PLS1: variants seen among roughly 807,000 people sequenced by gnomAD.
PLS1 encodes the protein plastin-1.
Under a neutral mutation model 73.7 loss-of-function variants are expected in PLS1, and 32 were observed. The observed-to-expected ratio is 0.43, with a 90% CI of 0.33 to 0.58. PLS1 has a LOEUF of 0.58. Ranked by LOEUF, PLS1 falls within the 20% of genes least tolerant of loss-of-function variation. The probability of loss-of-function intolerance (pLI) is 0.04; values close to 1 mark genes in which losing one functional copy is unlikely to be tolerated. For synonymous variants in PLS1, 217 were observed against 261.3 expected (o/e 0.83, Z 1.63); for missense variants, 633 against 740.5 (o/e 0.85, Z 1.68).
intron 6 of PLS1, among the ~76,000 whole-genome samples, chr3:142,678,967 A>G (rs2037785524): frequency 6.6e-6 from 1 of 152,260 alleles, no homozygotes; most frequent in South Asian, 2.1e-4. Context: ...TCGCCATTCT[A>G]ACTGGTGTAA....
intron 3 of PLS1, among the ~76,000 whole-genome samples, chr3:142,670,335 TGGTAAG>T (rs1289011235): frequency 6.6e-6 from 1 of 152,092 alleles, no homozygotes; most frequent in Non-Finnish European, 1.5e-5. Flanking sequence ...GGAGCTGAGA[TGGTAAG>T]GGTAAGGAAT....
At chr3:142,670,699 A>G (rs543896133) in intron 3 of PLS1, among the ~76,000 whole-genome samples, 3 of 152,208 alleles carry the variant, frequency 2.0e-5, no homozygotes, top group Non-Finnish European at 2.9e-5. Flanking sequence ...GCATGTAGTT[A>G]GTTATTTCTT....
intron 1 of PLS1, among the ~76,000 whole-genome samples, chr3:142,644,324 C>T (rs1445416998): frequency 1.3e-5 from 2 of 151,994 alleles, no homozygotes; most frequent in East Asian, 3.9e-4. Context: ...GATCATGGCT[C>T]ACTGCAGCCT....
intron 1 of PLS1, among the ~76,000 whole-genome samples, chr3:142,600,891 TATATATATATATATATATATATATA>T (rs1577753583): frequency 9.1e-5 from 2 of 22,082 alleles, no homozygotes; most frequent in East Asian, 1.4e-3. Flanking sequence ...TATATATATA[TATATATATATATATATATATATATA>T]TTTTTTTTTT....
chr3:142,609,916 TGGAGTGCAGTGG>T (rs2036088062), intron 1 of PLS1, among the ~76,000 whole-genome samples: 3 of 152,348 alleles, frequency 2.0e-5, no homozygotes, highest in African/African-American at 7.2e-5. Flanking sequence ...TCGCGCAGGC[TGGAGTGCAGTGG>T]TGCCATCTTG....
intron 1 of PLS1, among the ~76,000 whole-genome samples, chr3:142,597,964 C>G (rs528632753): frequency 6.6e-6 from 1 of 152,168 alleles, no homozygotes; most frequent in African/African-American, 2.4e-5. Context: ...GTCCTGAAAA[C>G]GCCCTCCTTC....
intron 1 of PLS1, among the ~76,000 whole-genome samples, chr3:142,642,516 C>T: frequency 6.6e-6 from 1 of 152,098 alleles, no homozygotes; most frequent in Non-Finnish European, 1.5e-5. Context: ...CTTTTGAATC[C>T]ATTGCTGCTA....
chr3:142,597,583 G>C (rs1304129728), intron 1 of PLS1, among the ~76,000 whole-genome samples: 1 of 152,136 alleles, frequency 6.6e-6, no homozygotes, highest in Non-Finnish European at 1.5e-5. Context: ...ATGTTTTAAT[G>C]GCAGAAATAA....
intron 1 of PLS1, among the ~76,000 whole-genome samples, chr3:142,648,284 A>G (rs1444600075): frequency 6.6e-6 from 1 of 152,202 alleles, no homozygotes; most frequent in Non-Finnish European, 1.5e-5. Flanking sequence ...GTTGTAGAAC[A>G]ATACGGAAGA....
In PLS1 at chr3:142,694,546, A is replaced by G. The variant is rs149602463; in HGVS notation, c.1255A>G (p.Ser419Gly). ...GVNPYINHLY[S>G]DLADALVIFQ... Reference sequence around the variant, plus strand: ...CAACCCATACATTAATCATTTGTACAGGTAAATATTTTATTGTGCTTCAGC... The same window carrying G: ...CAACCCATACATTAATCATTTGTACGGGTAAATATTTTATTGTGCTTCAGC... Residue 419 changes from serine (S) to glycine (G), a missense_variant and splice_region_variant, in exon 11 of 16, where the codon AGT becomes GGT. By Grantham distance (56) the Ser-to-Gly change is moderately conservative. Coordinates refer to ENST00000457734, the MANE Select transcript of PLS1 (RefSeq NM_001145319.2). The G allele has an allele frequency of 1.7e-5, 27 of 1,554,600 alleles. No homozygotes were observed. In the African/African-American group the frequency reaches 3.4e-4, roughly 20 times the overall value.
At chr3:142,603,393 C>T (rs2035960371) in intron 1 of PLS1, among the ~76,000 whole-genome samples, 1 of 152,182 alleles carries the variant, frequency 6.6e-6, no homozygotes, top group South Asian at 2.1e-4. Flanking sequence ...TTAGACATAG[C>T]TTTGTTCATA....
intron 11 of PLS1, 89 bp downstream of exon 11, chr3:142,694,636 C>T: frequency 1.4e-6 from 1 of 692,374 alleles, no homozygotes; most frequent in South Asian, 2.2e-5. Flanking sequence ...AACATTTTCT[C>T]AAGTTGCAAG....
rs181352631 is a variant in PLS1 at position 142,623,172 on chromosome 3, G to C, written c.-37+26663G>C. ...AGTGGCAAAGGAACATTTATGAAAA[G>C]AATATGGAAGCTCATAGGGTAGTCC... On this transcript the variant is annotated intron_variant, in intron 1 of 15. Transcript: ENST00000457734. Among the ~76,000 whole-genome samples, 1,044 of 152,256 alleles carry C rather than the reference G, an allele frequency of 6.9e-3. 8 individuals are homozygous for C. Among genetic ancestry groups the C allele is most frequent in the Non-Finnish European group, 8.1e-3 (552 of 68,014 alleles).
In PLS1 at chr3:142,644,532, C is replaced by T. The variant is rs192095339; in HGVS notation, c.-36-19670C>T. Among the ~76,000 whole-genome samples, 247 of 152,244 alleles carry T rather than the reference C, an allele frequency of 1.6e-3. 2 individuals carry two copies. Among genetic ancestry groups the T allele is most frequent in the African/African-American group, 2.8e-3 (117 of 41,564 alleles). On this transcript the variant is annotated intron_variant, in intron 1 of 15. Transcript: ENST00000457734. ...CCTCCCAAAGTGCTGGGATTATAGG[C>T]GTGAGCCACGGTGCCTGACTTCTTT...
intron 6 of PLS1, among the ~76,000 whole-genome samples, chr3:142,679,399 G>A (rs1235987292): frequency 6.6e-6 from 1 of 150,392 alleles, no homozygotes; most frequent in Non-Finnish European, 1.5e-5. Context: ...GGGTTTTTAT[G>A]GTTTTAGGTC....
rs1170933037 is a variant in PLS1 at position 142,600,916 on chromosome 3, A to ATTTT, written c.-37+4429_-37+4432dup. Among the ~76,000 whole-genome samples, 36 of 14,832 alleles carry ATTTT rather than the reference A, an allele frequency of 2.4e-3. 7 individuals are homozygous for ATTTT. The highest frequency in any genetic ancestry group is 3.0e-3 in the African/African-American group (11 of 3,626). 9.7% of individuals were successfully genotyped at this position (14,832 alleles called of 152,430 possible). On this transcript the variant is annotated intron_variant, in intron 1 of 15. Coordinates refer to ENST00000457734, the MANE Select transcript of PLS1 (RefSeq NM_001145319.2). Reference sequence around the variant, plus strand: ...TATATATATATATATATATATATATATTTTTTTTTTTTTTTTTTTTTTTTT... The same window carrying ATTTT: ...TATATATATATATATATATATATATATTTTTTTTTTTTTTTTTTTTTTTTTTTTT...
intron 6 of PLS1, among the ~76,000 whole-genome samples, chr3:142,680,736 CTGT>C (rs1177968205): frequency 6.6e-6 from 1 of 152,106 alleles, no homozygotes; most frequent in Non-Finnish European, 1.5e-5. Flanking sequence ...GTATCAGTCA[CTGT>C]TCTAAACACA....
chr3:142,604,733 G>C (rs2035988535), intron 1 of PLS1, among the ~76,000 whole-genome samples: 1 of 152,110 alleles, frequency 6.6e-6, no homozygotes, highest in South Asian at 2.1e-4. Flanking sequence ...AGGATATTGA[G>C]ACCATCCTGG....
At position 142,702,743 on chromosome 3, in the gene PLS1, G is replaced by A. The variant is rs114956393; in HGVS notation, c.1372-1125G>A. 6.7e-3 allele frequency among the ~76,000 whole-genome samples: 1,016 copies of A among 152,250 alleles called. 10 individuals are homozygous for A. Among genetic ancestry groups the A allele is most frequent in the African/African-American group, 0.021 (892 of 41,552 alleles). ...AGGATAGATAAAAAAAATTATTAGA[G>A]AAAGGACCTAACTGGACTTATATCA... On this transcript the variant is annotated intron_variant, in intron 12 of 15. Coordinates refer to ENST00000457734, the MANE Select transcript of PLS1 (RefSeq NM_001145319.2).
Sources: allele counts gnomAD v4.1 joint callset (sites outside exome capture counted in the v4.1 genomes callset), GRCh38; gene constraint gnomAD v4.1.1; transcripts MANE v1.5; gene names NCBI Gene and HGNC (gene_info 2026-07-23, HGNC 2026-07-21).